TRPA1: variants seen among roughly 807,000 people sequenced by gnomAD.
TRPA1 encodes the protein transient receptor potential cation channel subfamily A member 1.
In TRPA1, 129 loss-of-function variants were observed where a neutral mutation model predicts 131.3. That is an observed-to-expected ratio of 0.98 (90% CI 0.85 to 1.14). The LOEUF (loss-of-function observed/expected upper bound fraction) is 1.14. Among genes scored for constraint, TRPA1 ranks in the 50% most tolerant of loss-of-function variants. TRPA1 has a pLI of 0.00. For missense variants in TRPA1, 1,304 were observed against 1,354.2 expected, an observed-to-expected ratio of 0.96 and a Z score of 0.58; for synonymous variants, 441 against 451.7, an observed-to-expected ratio of 0.98 and a Z score of 0.30.
At position 72,061,722 on chromosome 8, in the gene TRPA1, C is replaced by A. The variant is rs754954560; in HGVS notation, c.847G>T (p.Gly283Ter). ...ATCAGTTTAACAATCTCAGTGGCTCCCTGGGTGGCAGCAAAATGAATGGCT... is the reference window on the plus strand; with the variant it reads ...ATCAGTTTAACAATCTCAGTGGCTCACTGGGTGGCAGCAAAATGAATGGCT... ...CTAIHFAATQ[G>*]ATEIVKLMIS... The change falls in exon 7 of 27, where the codon GGA becomes TGA. Residue 283 changes from glycine (G) to a stop codon, truncating the protein, a stop_gained. Coordinates refer to ENST00000262209, the MANE Select transcript of TRPA1 (RefSeq NM_007332.3). LOFTEE classifies it high-confidence loss of function. 10 of 1,613,846 alleles carry A rather than the reference C, an allele frequency of 6.2e-6. No individual in the cohort carries two copies. In the African/African-American group the frequency reaches 1.2e-4, roughly 19 times the overall value.
Position 72,033,838 on chromosome 8 carries a change from C to T in TRPA1, c.2686-12G>A, listed in dbSNP as rs147736980. 6.0e-5 allele frequency: 96 copies of T among 1,612,606 alleles called. No individual in the cohort carries two copies. The highest frequency in any genetic ancestry group is 4.0e-4 in the African/African-American group (30 of 74,946). On this transcript the variant is annotated splice_polypyrimidine_tract_variant and intron_variant, in intron 22 of 26. Coordinates refer to ENST00000262209, the MANE Select transcript of TRPA1 (RefSeq NM_007332.3). ...GAGCTGAAGGGATCCTGAAAGCAGA[C>T]GGTGAGGTACAAATGAAATGCAAAG...
At chr8:72,076,137 C>G (rs915972113), upstream of TRPA1, among the ~76,000 whole-genome samples, 2 of 152,064 alleles carry the variant, frequency 1.3e-5, no homozygotes, top group Non-Finnish European at 2.9e-5. Flanking sequence ...GTTTGAGGGA[C>G]TAGATTAAGT....
intron 2 of TRPA1, among the ~76,000 whole-genome samples, chr8:72,070,232 G>A (rs1806029144): frequency 6.6e-6 from 1 of 152,100 alleles, no homozygotes; most frequent in South Asian, 2.1e-4. Flanking sequence ...CATGGTACTT[G>A]GAACCATATA....
upstream of TRPA1, among the ~76,000 whole-genome samples, chr8:72,077,799 G>C (rs528516463): frequency 6.6e-6 from 1 of 152,088 alleles, no homozygotes; most frequent in Non-Finnish European, 1.5e-5. Flanking sequence ...GAACAAGATG[G>C]TATCTAGCTA....
upstream of TRPA1, among the ~76,000 whole-genome samples, chr8:72,076,180 T>C (rs1451431173): frequency 6.6e-6 from 1 of 152,138 alleles, no homozygotes; most frequent in Non-Finnish European, 1.5e-5. Context: ...TTCCTGTGGA[T>C]AATAACAGTG....
At chr8:72,077,317 C>T (rs1000557496), upstream of TRPA1, among the ~76,000 whole-genome samples, 2 of 150,510 alleles carry the variant, frequency 1.3e-5, no homozygotes, top group African/African-American at 4.9e-5. Flanking sequence ...TGGGCCAGTG[C>T]AGGGAACTCC....
chr8:72,060,283 T>C (rs1805776892), intron 7 of TRPA1: 1 of 152,112 alleles, frequency 6.6e-6, no homozygotes, highest in African/African-American at 2.4e-5. Flanking sequence ...ATTGGGTTTG[T>C]AAATTGGTGA....
At chr8:72,072,886 A>G (rs527977670) in intron 1 of TRPA1, among the ~76,000 whole-genome samples, 1 of 152,342 alleles carries the variant, frequency 6.6e-6, no homozygotes, top group African/African-American at 2.4e-5. Flanking sequence ...AATTCACAAT[A>G]ACAAAACAGC....
intron 24 of TRPA1, among the ~76,000 whole-genome samples, chr8:72,028,661 G>C (rs577648022): frequency 6.6e-6 from 1 of 152,302 alleles, no homozygotes; most frequent in South Asian, 2.1e-4. Context: ...GTTGATTTTT[G>C]ATATTTAATT....
chr8:72,042,166 C>G (rs1317120507), intron 17 of TRPA1, among the ~76,000 whole-genome samples: 1 of 151,806 alleles, frequency 6.6e-6, no homozygotes, highest in South Asian at 2.1e-4. Context: ...GAGTTAATAT[C>G]CAGAATATTT....
intron 25 of TRPA1, among the ~76,000 whole-genome samples, chr8:72,025,165 C>T (rs1811553285): frequency 1.3e-5 from 2 of 151,648 alleles, no homozygotes; most frequent in Middle Eastern, 3.4e-3. Flanking sequence ...TGTGTCCCCA[C>T]CCAAATCTCA....
intron 14 of TRPA1, among the ~76,000 whole-genome samples, chr8:72,052,096 A>G (rs527663166): frequency 9.8e-5 from 15 of 152,358 alleles, no homozygotes; most frequent in African/African-American, 3.4e-4. Flanking sequence ...TACCTGATAC[A>G]TATACACACC....
chr8:72,026,723 T>C (rs1811624131), intron 24 of TRPA1, among the ~76,000 whole-genome samples: 1 of 152,222 alleles, frequency 6.6e-6, no homozygotes, highest in Admixed American at 6.5e-5. Flanking sequence ...ATTTTTTTCA[T>C]TTATTTTTGC....
chr8:72,029,362 A>G (rs1293497904), intron 24 of TRPA1, among the ~76,000 whole-genome samples: 1 of 152,134 alleles, frequency 6.6e-6, no homozygotes, highest in Non-Finnish European at 1.5e-5. Context: ...CAATTTCTCA[A>G]TTTCTCTAAG....
In TRPA1 at chr8:72,071,816, T is replaced by C. The variant is rs147329171; in HGVS notation, c.163A>G (p.Lys55Glu). 9.3e-6 allele frequency: 15 copies of C among 1,612,958 alleles called. No individual in the cohort carries two copies. In the African/African-American group the frequency reaches 1.9e-4, roughly 20 times the overall value. Reference sequence around the variant, plus strand: ...TCCATATCGTCACATCTTTTTAATTTCTTTTGCTTATTAAAGTTTTGTAAT... The same window carrying C: ...TCCATATCGTCACATCTTTTTAATTCCTTTTGCTTATTAAAGTTTTGTAAT... ...YGLQNFNKQK[K>E]LKRCDDMDTF... is the part of the protein sequence containing the mutation. Residue 55 changes from lysine to glutamate, a missense_variant, in exon 2 of 27, where the codon AAA (lysine) becomes GAA (glutamate). Coordinates refer to ENST00000262209, the MANE Select transcript of TRPA1 (RefSeq NM_007332.3).
the TRPA1 span, among the ~76,000 whole-genome samples, chr8:72,080,933 A>T: frequency 6.6e-6 from 1 of 151,416 alleles, no homozygotes; most frequent in African/African-American, 2.4e-5. Flanking sequence ...CATTCATGTA[A>T]TCTCTTTCCT....
At chr8:72,052,514 T>C in intron 14 of TRPA1, 85 bp downstream of exon 14, 1 of 1,560,776 alleles carries the variant, frequency 6.4e-7, no homozygotes, top group Non-Finnish European at 8.8e-7. Flanking sequence ...CTGAAAATCA[T>C]TTCTTTTCTC....
Position 72,075,294 on chromosome 8 carries a change from A to G in TRPA1, c.111+5T>C. 6.2e-7 allele frequency: 1 copy of G among 1,610,958 alleles called. No homozygotes were observed. Among genetic ancestry groups the G allele is most frequent in the Non-Finnish European group, 8.5e-7 (1 of 1,177,788 alleles). On this transcript the variant is annotated splice_donor_5th_base_variant and intron_variant, in intron 1 of 26. Coordinates refer to ENST00000262209, the MANE Select transcript of TRPA1 (RefSeq NM_007332.3). ...CCCCTCCAGACCCGCGAGCCCCCAG[A>G]GTACCTTAAGCGATTCCTTGAAATC...
chr8:72,060,188 C>T (rs140512588), intron 7 of TRPA1, among the ~76,000 whole-genome samples: 55 of 151,638 alleles, frequency 3.6e-4, no homozygotes, highest in African/African-American at 1.1e-3. Context: ...AACATTAAGG[C>T]CCCATTTTCC....
Sources: allele counts gnomAD v4.1 joint callset (sites outside exome capture counted in the v4.1 genomes callset), GRCh38; gene constraint gnomAD v4.1.1; transcripts MANE v1.5; gene names NCBI Gene and HGNC (gene_info 2026-07-23, HGNC 2026-07-21).